ESR1: variants seen among roughly 807,000 people sequenced by gnomAD.
ESR1 encodes the protein estrogen receptor 1.
A neutral mutation model predicts 52.7 loss-of-function variants in ESR1; 12 were observed. That is an observed-to-expected ratio of 0.23 (90% CI 0.15 to 0.37). ESR1 has a LOEUF of 0.37. ESR1 is among the 10% of genes least tolerant of loss of function. The pLI, the probability that ESR1 is intolerant of heterozygous loss-of-function variation, is 1.00. For missense variants in ESR1, 584 were observed against 779.7 expected, an observed-to-expected ratio of 0.75 and a Z score of 2.99; for synonymous variants, 305 against 316.8, an observed-to-expected ratio of 0.96 and a Z score of 0.39.
At chr6:152,063,370 A>G (rs955109568) in intron 6 of ESR1, among the ~76,000 whole-genome samples, 3 of 152,160 alleles carry the variant, frequency 2.0e-5, no homozygotes, top group Non-Finnish European at 2.9e-5. Flanking sequence ...CTGGCTCAGG[A>G]GAGCAGTAAG....
intron 4 of ESR1, among the ~76,000 whole-genome samples, chr6:151,982,044 A>G (rs777078637): frequency 1.8e-4 from 27 of 152,244 alleles, no homozygotes; most frequent in Non-Finnish European, 7.3e-5. Flanking sequence ...GATATAGACA[A>G]TCTCACTTTA....
intron 3 of ESR1, among the ~76,000 whole-genome samples, chr6:151,922,999 T>A (rs1318151905): frequency 6.6e-6 from 1 of 152,204 alleles, no homozygotes; most frequent in African/African-American, 2.4e-5. Context: ...GAAACCTGGC[T>A]CCTACCATCT....
At chr6:151,815,131 G>A (rs1294368399) in intron 1 of ESR1, among the ~76,000 whole-genome samples, 1 of 152,302 alleles carries the variant, frequency 6.6e-6, no homozygotes, top group Admixed American at 6.5e-5. Flanking sequence ...CAGAAACATA[G>A]TTGATTTTAA....
intron 1 of ESR1, among the ~76,000 whole-genome samples, chr6:151,701,529 C>CAA (rs57589542): frequency 0.02 from 1,757 of 88,974 alleles, 22 homozygotes; most frequent in East Asian, 0.028. Context: ...CACTACATCT[C>CAA]AAAAAAAAAA....
At chr6:152,124,118 G>A (rs1231659658) in intron 6 of ESR1, among the ~76,000 whole-genome samples, 1 of 152,192 alleles carries the variant, frequency 6.6e-6, no homozygotes. Context: ...GAGGCCAGGA[G>A]TTCAAGCCAG....
At chr6:151,985,534 CA>C (rs2040400299) in intron 4 of ESR1, among the ~76,000 whole-genome samples, 2 of 90,006 alleles carry the variant, frequency 2.2e-5, no homozygotes, top group African/African-American at 4.4e-5. Context: ...AAAAAAAAAA[CA>C]CAAACAAAAA....
rs536803307 is a variant in ESR1 at position 151,854,216 on chromosome 6, T to G, written c.643+11429T>G. On this transcript the variant is annotated intron_variant, in intron 2 of 7. Coordinates refer to ENST00000206249, the MANE Select transcript of ESR1 (RefSeq NM_000125.4). Reference sequence around the variant, plus strand: ...ATCTTGTAACCTGCTTGCCTGGCTATTTGGCTGAAAAATAACAACATGTAA... The same window carrying G: ...ATCTTGTAACCTGCTTGCCTGGCTAGTTGGCTGAAAAATAACAACATGTAA... 1.3e-4 allele frequency among the ~76,000 whole-genome samples: 20 copies of G among 152,292 alleles called. No individual in the cohort carries two copies. In the South Asian group the frequency reaches 3.3e-3, roughly 25 times the overall value.
intron 1 of ESR1, among the ~76,000 whole-genome samples, chr6:151,814,700 A>C (rs1368076588): frequency 2.0e-5 from 3 of 152,238 alleles, no homozygotes; most frequent in Non-Finnish European, 4.4e-5. Flanking sequence ...ATTTCTTTGA[A>C]AGTTTGTTCA....
At chr6:151,926,710 A>G (rs1247631365) in intron 3 of ESR1, among the ~76,000 whole-genome samples, 1 of 152,138 alleles carries the variant, frequency 6.6e-6, no homozygotes, top group Non-Finnish European at 1.5e-5. Context: ...TAACCGTGGC[A>G]TCATTACTTA....
rs372667035 is a variant in ESR1, at chr6:151,838,466, G to T, written c.453-4131G>T. Among the ~76,000 whole-genome samples, 3 of 152,250 alleles carry T rather than the reference G, an allele frequency of 2.0e-5. No individual in the cohort carries two copies. The East Asian group carries it at 5.8e-4, about 29-fold the overall frequency. ...ATGGCCCAGACATGGACACCTCCCA[G>T]TCTGTTCCTTCCTGCTGCCCATGGA... On this transcript the variant is annotated intron_variant, in intron 1 of 7. Coordinates refer to ENST00000206249, the MANE Select transcript of ESR1 (RefSeq NM_000125.4).
chr6:151,837,532 A>C (rs1211657319), intron 1 of ESR1, among the ~76,000 whole-genome samples: 1 of 151,978 alleles, frequency 6.6e-6, no homozygotes, highest in Non-Finnish European at 1.5e-5. Flanking sequence ...TTTTTATATG[A>C]TCTCTCATGC....
upstream of ESR1, chr6:151,807,409 T>C (rs1402092930): frequency 5.3e-6 from 1 of 189,988 alleles, no homozygotes; most frequent in African/African-American, 2.3e-5. Context: ...TCGCGTTTAT[T>C]TTAAGCCCAG....
intron 5 of ESR1, among the ~76,000 whole-genome samples, chr6:152,056,110 T>G (rs2047080469): frequency 6.6e-6 from 1 of 152,156 alleles, no homozygotes; most frequent in Admixed American, 6.6e-5. Context: ...ATTTTAAAAT[T>G]TTCATCTTTC....
intron 4 of ESR1, among the ~76,000 whole-genome samples, chr6:151,989,206 A>G (rs1240859306): frequency 6.6e-6 from 1 of 152,186 alleles, no homozygotes; most frequent in Non-Finnish European, 1.5e-5. Flanking sequence ...AATGAAATTT[A>G]AGGCCTGTTA....
intron 5 of ESR1, among the ~76,000 whole-genome samples, chr6:152,058,798 T>A (rs1227631022): frequency 6.6e-6 from 1 of 152,170 alleles, no homozygotes; most frequent in Non-Finnish European, 1.5e-5. Context: ...TCTTGTTGAA[T>A]GAATTAAAGT....
intron 3 of ESR1, among the ~76,000 whole-genome samples, chr6:151,924,236 T>A (rs1291893566): frequency 3.3e-5 from 5 of 151,916 alleles, no homozygotes; most frequent in Non-Finnish European, 5.9e-5. Context: ...AGAGATGGGG[T>A]TTCACCATAT....
intron 1 of ESR1, among the ~76,000 whole-genome samples, chr6:151,817,148 T>C (rs868379293): frequency 6.6e-6 from 1 of 152,192 alleles, no homozygotes; most frequent in Non-Finnish European, 1.5e-5. Context: ...TTCACGTTGG[T>C]TGGAATATCC....
chr6:152,015,595 G>T (rs1268340216), intron 5 of ESR1, among the ~76,000 whole-genome samples: 1 of 152,144 alleles, frequency 6.6e-6, no homozygotes, highest in Non-Finnish European at 1.5e-5. Flanking sequence ...ACTGGCCAAG[G>T]TCACCCAGGT....
At chr6:151,748,260 T>C (rs1229664759) in intron 2 of ESR1, among the ~76,000 whole-genome samples, 1 of 152,150 alleles carries the variant, frequency 6.6e-6, no homozygotes, top group East Asian at 1.9e-4. Flanking sequence ...CCCCCAGAAT[T>C]ACAGTTTTTT....
Sources: allele counts gnomAD v4.1 joint callset (sites outside exome capture counted in the v4.1 genomes callset), GRCh38; gene constraint gnomAD v4.1.1; transcripts MANE v1.5; gene names NCBI Gene and HGNC (gene_info 2026-07-23, HGNC 2026-07-21).